Variants in PI4K2A observed in about 807,000 individuals in gnomAD.
PI4K2A encodes the protein phosphatidylinositol 4-kinase type 2 alpha.
A neutral mutation model predicts 55.0 loss-of-function variants in PI4K2A; 20 were observed. That is an observed-to-expected ratio of 0.36 (90% CI 0.26 to 0.53). The LOEUF is 0.53. PI4K2A is among the 20% of genes least tolerant of loss of function. The pLI is 0.91. For synonymous variants in PI4K2A, 235 were observed against 258.5 expected (o/e 0.91, Z 0.87); for missense variants, 463 against 637.1 (o/e 0.73, Z 2.94).
exon 9 of PI4K2A, chr10:97,675,213 G>C (rs192100619): frequency 6.5e-6 from 1 of 152,764 alleles, no homozygotes; most frequent in African/African-American, 2.4e-5. Context: ...CAAAGAAAGG[G>C]AGTGAGGACT....
chr10:97,665,305 G>A (rs567146710), intron 6 of PI4K2A, among the ~76,000 whole-genome samples: 104 of 150,988 alleles, frequency 6.9e-4, no homozygotes, highest in African/African-American at 2.2e-3. Flanking sequence ...ATGGAGTTTC[G>A]CTCTTGTTGC....
Position 97,650,437 on chromosome 10 carries a change from G to A in PI4K2A, c.436-504G>A, listed in dbSNP as rs185544235. Among the ~76,000 whole-genome samples the A allele has an allele frequency of 4.6e-5, 7 of 151,886 alleles. No homozygotes were observed. In the East Asian group the frequency reaches 7.8e-4, roughly 17 times the overall value. ...ACTGGAATTACAGGTGTGCACCACC[G>A]CGCCCAGCTACTTTTTGTATTTTTA... On this transcript the variant is annotated intron_variant, in intron 1 of 8. Transcript: ENST00000370631.
chr10:97,650,260 C>T lies in PI4K2A; in HGVS notation c.436-681C>T, dbSNP rs1312117760. Among the ~76,000 whole-genome samples, 5 of 141,318 alleles carry T rather than the reference C, an allele frequency of 3.5e-5. No individual in the cohort carries two copies. The Admixed American group carries it at 3.6e-4, about 10-fold the overall frequency. 92.7% of individuals were successfully genotyped at this position (141,318 alleles called of 152,430 possible). The stretch of plus-strand genomic sequence containing the variant: ...GCTGCCAGTGACTCACGATCTACCA[C>T]TGAATTGGCTTCTGTACCTTTTTTT... On this transcript the variant is annotated intron_variant, in intron 1 of 8. Transcript: ENST00000370631.
At chr10:97,658,403 T>C (rs753759728) in intron 4 of PI4K2A, among the ~76,000 whole-genome samples, 1 of 152,224 alleles carries the variant, frequency 6.6e-6, no homozygotes, top group Non-Finnish European at 1.5e-5. Context: ...ATCCATTTTA[T>C]GTATATACCA....
intron 2 of PI4K2A, among the ~76,000 whole-genome samples, chr10:97,653,945 G>A (rs373208189): frequency 1.2e-4 from 18 of 152,260 alleles, no homozygotes; most frequent in African/African-American, 4.3e-4. Context: ...TCTTCCATGA[G>A]ACTGAGATGA....
intron 4 of PI4K2A, among the ~76,000 whole-genome samples, chr10:97,662,500 C>G (rs756426301): frequency 9.2e-5 from 14 of 152,144 alleles, no homozygotes; most frequent in Non-Finnish European, 1.9e-4. Flanking sequence ...TGCTTCAGGT[C>G]GTAACCCAAA....
chr10:97,673,777 C>G, exon 9 of PI4K2A: 1 of 1,603,988 alleles, frequency 6.2e-7, no homozygotes, highest in Non-Finnish European at 8.5e-7. Flanking sequence ...TTGTCAGAGA[C>G]TGGTGGGAGG....
chr10:97,665,865 A>C (rs1174519198), intron 6 of PI4K2A, among the ~76,000 whole-genome samples: 4 of 152,232 alleles, frequency 2.6e-5, no homozygotes, highest in Non-Finnish European at 4.4e-5. Context: ...TGCTGGGATT[A>C]CAGGCATGAG....
chr10:97,660,530 G>A (rs556279002), intron 4 of PI4K2A, among the ~76,000 whole-genome samples: 64 of 151,948 alleles, frequency 4.2e-4, no homozygotes, highest in African/African-American at 1.4e-3. Context: ...TCCTGACCTC[G>A]TGATCTGCCT....
intron 6 of PI4K2A, among the ~76,000 whole-genome samples, chr10:97,665,423 C>T (rs1443452735): frequency 1.3e-5 from 2 of 151,406 alleles, no homozygotes; most frequent in African/African-American, 2.4e-5. Flanking sequence ...TACAGGCATG[C>T]GCCACCACGC....
intron 8 of PI4K2A, among the ~76,000 whole-genome samples, chr10:97,673,196 G>A (rs2041645315): frequency 6.6e-6 from 1 of 151,838 alleles, no homozygotes; most frequent in Admixed American, 6.6e-5. Context: ...TCGCCATGTT[G>A]GCCAGGCTCG....
intron 4 of PI4K2A, among the ~76,000 whole-genome samples, chr10:97,660,023 A>T (rs1589935847): frequency 7.9e-6 from 1 of 125,936 alleles, no homozygotes; most frequent in Non-Finnish European, 1.6e-5. Context: ...TTTTTTTGAG[A>T]CGGAGTCTCG....
chr10:97,673,801 G>T, exon 9 of PI4K2A: 1 of 1,540,608 alleles, frequency 6.5e-7, no homozygotes, highest in South Asian at 1.1e-5. Context: ...CCTGGGGAGT[G>T]GGGTGCAGGA....
chr10:97,671,961 T>C (rs1016562136), intron 8 of PI4K2A, among the ~76,000 whole-genome samples: 9 of 151,568 alleles, frequency 5.9e-5, no homozygotes, highest in Non-Finnish European at 1.3e-4. Flanking sequence ...GCCAGCTTTT[T>C]ACATTTTACA....
At chr10:97,668,058 A>G (rs1244965423) in intron 8 of PI4K2A, among the ~76,000 whole-genome samples, 1 of 152,220 alleles carries the variant, frequency 6.6e-6, no homozygotes, top group Non-Finnish European at 1.5e-5. Flanking sequence ...TAGTAAAGAA[A>G]TGCTTGAAAA....
In PI4K2A at chr10:97,643,578, A is replaced by G. The variant is rs149200964; in HGVS notation, c.435+2401A>G. On this transcript the variant is annotated intron_variant, in intron 1 of 8. Transcript: ENST00000370631. ...TGTTACTTGGTGATTTAGGGATTCCAGTCTCTAAAATTTCCTGGCCACTAT... is the reference window on the plus strand; with the variant it reads ...TGTTACTTGGTGATTTAGGGATTCCGGTCTCTAAAATTTCCTGGCCACTAT... 3.4e-4 allele frequency among the ~76,000 whole-genome samples: 52 copies of G among 152,258 alleles called. 1 individual carries two copies. Among genetic ancestry groups the G allele is most frequent in the African/African-American group, 1.2e-3 (49 of 41,536 alleles).
intron 4 of PI4K2A, among the ~76,000 whole-genome samples, chr10:97,657,313 T>C (rs1307935104): frequency 6.6e-6 from 1 of 152,180 alleles, no homozygotes; most frequent in African/African-American, 2.4e-5. Flanking sequence ...AAAAAAATTT[T>C]TTTTCAGTGC....
intron 8 of PI4K2A, among the ~76,000 whole-genome samples, chr10:97,670,631 G>A (rs2041630463): frequency 6.6e-6 from 1 of 152,260 alleles, no homozygotes; most frequent in African/African-American, 2.4e-5. Flanking sequence ...ATGCTGGCAA[G>A]TACCAAAACA....
intron 4 of PI4K2A, among the ~76,000 whole-genome samples, chr10:97,660,149 CTG>C (rs2041574166): frequency 2.8e-5 from 4 of 145,166 alleles, no homozygotes; most frequent in Admixed American, 2.7e-4. Context: ...CTACAGGCGC[CTG>C]CTACCACGCC....
Sources: allele counts gnomAD v4.1 joint callset (sites outside exome capture counted in the v4.1 genomes callset), GRCh38; gene constraint gnomAD v4.1.1; transcripts MANE v1.5; gene names NCBI Gene and HGNC (gene_info 2026-07-23, HGNC 2026-07-21).